Variants in COL6A6 observed in about 807,000 individuals in gnomAD.
COL6A6 encodes the protein collagen type VI alpha 6 chain.
A neutral mutation model predicts 208.6 loss-of-function variants in COL6A6; 183 were observed. The observed-to-expected ratio is 0.88, with a 90% CI of 0.78 to 0.99. COL6A6 has a LOEUF of 0.99. Ranked by LOEUF, COL6A6 falls within the 50% of genes least tolerant of loss-of-function variation. The pLI is 0.00. For synonymous variants in COL6A6, 973 were observed against 1,011.8 expected (o/e 0.96, Z 0.73); for missense variants, 2,816 against 2,815.2 (o/e 1.00, Z -0.01).
rs1448880247 is a variant in COL6A6 at position 130,560,547 on chromosome 3, A to G, written c.64+119A>G. ...CTTTGTTTTGATTTTGATGGTAGTG[A>G]GATTAAGGGCGGTAAGTCAAATTCT... On this transcript the variant is annotated intron_variant, in intron 2 of 36. Transcript: ENST00000358511. The G allele has an allele frequency of 1.1e-5, 9 of 793,228 alleles. No homozygotes were observed. In the East Asian group the frequency reaches 2.4e-4, roughly 21 times the overall value. 49.1% of individuals were successfully genotyped at this position (793,228 alleles called of 1,614,324 possible). A position where few individuals can be genotyped will look rare whatever the true frequency, so the allele number is the denominator to read the frequency against.
chr3:130,585,180 T>G (rs989374170), intron 10 of COL6A6, among the ~76,000 whole-genome samples: 8 of 152,210 alleles, frequency 5.3e-5, no homozygotes, highest in African/African-American at 1.9e-4. Context: ...ATGTTGCCAG[T>G]GGAGTAAGGT....
chr3:130,639,298 T>C (rs2065243469), intron 28 of COL6A6, among the ~76,000 whole-genome samples: 1 of 152,218 alleles, frequency 6.6e-6, no homozygotes, highest in South Asian at 2.1e-4. Context: ...TTGCCCAACA[T>C]AGTCTGTTTC....
intron 10 of COL6A6, among the ~76,000 whole-genome samples, chr3:130,584,828 A>G (rs2063500794): frequency 6.6e-6 from 1 of 151,882 alleles, no homozygotes; most frequent in Non-Finnish European, 1.5e-5. Flanking sequence ...GTTAGCCAGG[A>G]TGGTCTCTAT....
intron 36 of COL6A6, among the ~76,000 whole-genome samples, chr3:130,674,250 C>T (rs563251980): frequency 1.1e-4 from 16 of 152,256 alleles, no homozygotes; most frequent in African/African-American, 3.9e-4. Context: ...AATTTCAGTT[C>T]CTCAGTCACA....
chr3:130,534,596 GTCTTAGTAAACACCTA>G, intron 1 of COL6A6, among the ~76,000 whole-genome samples: 1 of 152,072 alleles, frequency 6.6e-6, no homozygotes, highest in South Asian at 2.1e-4. Flanking sequence ...TCAGAGTTTA[GTCTTAGTAAACACCTA>G]TCTTAGTAAA....
intron 35 of COL6A6, 96 bp downstream of exon 35, chr3:130,662,404 T>C: frequency 8.1e-7 from 1 of 1,232,340 alleles, no homozygotes; most frequent in Non-Finnish European, 1.1e-6. Context: ...TGGAAACCTC[T>C]TGTCTGTCTT....
At chr3:130,610,402 A>G (rs918460304) in intron 22 of COL6A6, among the ~76,000 whole-genome samples, 1 of 152,102 alleles carries the variant, frequency 6.6e-6, no homozygotes, top group Non-Finnish European at 1.5e-5. Context: ...ACCATTCAGT[A>G]TTTTTTTCCA....
chr3:130,577,605 G>C (rs920656145), intron 8 of COL6A6, among the ~76,000 whole-genome samples: 1 of 152,198 alleles, frequency 6.6e-6, no homozygotes, highest in Non-Finnish European at 1.5e-5. Flanking sequence ...ACCAGGAAGT[G>C]GTAGAATAAG....
At chr3:130,602,389 CT>C (rs778187804) in intron 20 of COL6A6, among the ~76,000 whole-genome samples, 13 of 152,244 alleles carry the variant, frequency 8.5e-5, no homozygotes, top group Admixed American at 2.6e-4. Context: ...CATTAATAAT[CT>C]TTATTAATTA....
intron 1 of COL6A6, among the ~76,000 whole-genome samples, chr3:130,535,645 C>T (rs573425559): frequency 2.3e-4 from 35 of 152,080 alleles, no homozygotes; most frequent in Admixed American, 1.9e-3. Flanking sequence ...TGAAAATGCC[C>T]CTAAAGAGTT....
chr3:130,621,949 T>C, intron 24 of COL6A6, 66 bp downstream of exon 24: 1 of 1,343,110 alleles, frequency 7.4e-7, no homozygotes. Flanking sequence ...TGTCTAATTG[T>C]ATTAGCCAGG....
In COL6A6 at chr3:130,663,582, G is replaced by A. The variant is rs189847336; in HGVS notation, c.6502+1274G>A. On this transcript the variant is annotated intron_variant, in intron 35 of 36. Coordinates refer to ENST00000358511, the MANE Select transcript of COL6A6 (RefSeq NM_001102608.3). ...TAAAAAAAGTACATCTCTAAAGACT[G>A]ATAACTTGTAAAGAAACTCTCATCA... Among the ~76,000 whole-genome samples, 405 of 152,278 alleles carry A rather than the reference G, an allele frequency of 2.7e-3. 2 individuals are homozygous for A. Among genetic ancestry groups the A allele is most frequent in the African/African-American group, 9.4e-3 (391 of 41,554 alleles).
chr3:130,547,480 C>T (rs989540792), intron 1 of COL6A6, among the ~76,000 whole-genome samples: 8 of 152,220 alleles, frequency 5.3e-5, no homozygotes, highest in East Asian at 3.9e-4. Context: ...GAGCCGGCTC[C>T]GGCCTTGGCC....
chr3:130,665,134 C>A (rs953207719), intron 36 of COL6A6, 38 bp downstream of exon 36: 2 of 1,361,232 alleles, frequency 1.5e-6, no homozygotes, highest in Admixed American at 2.1e-5. Flanking sequence ...AATGAGAATG[C>A]CCCCTGCCTT....
chr3:130,581,948 A>G, intron 9 of COL6A6, 42 bp from the exon 10 acceptor site: 2 of 1,589,952 alleles, frequency 1.3e-6, no homozygotes, highest in Non-Finnish European at 1.7e-6. Context: ...ATTGCAATGA[A>G]CCCTTTTTAA....
chr3:130,597,027 G>T (rs1240164748), intron 18 of COL6A6, among the ~76,000 whole-genome samples: 1 of 152,110 alleles, frequency 6.6e-6, no homozygotes. Flanking sequence ...TGCAATTTGG[G>T]TTGTTCTGTT....
At chr3:130,667,128 C>G (rs1348105709) in intron 36 of COL6A6, among the ~76,000 whole-genome samples, 1 of 152,104 alleles carries the variant, frequency 6.6e-6, no homozygotes, top group Non-Finnish European at 1.5e-5. Context: ...AAAGAAACTT[C>G]TACAGTATGT....
intron 1 of COL6A6, among the ~76,000 whole-genome samples, chr3:130,536,876 A>G (rs567601378): frequency 6.6e-6 from 1 of 152,374 alleles, no homozygotes; most frequent in African/African-American, 2.4e-5. Context: ...AAGGAGTCCA[A>G]TTAGAAAGCT....
intron 1 of COL6A6, among the ~76,000 whole-genome samples, chr3:130,555,760 T>G (rs2062754773): frequency 1.3e-5 from 2 of 152,208 alleles, no homozygotes; most frequent in Non-Finnish European, 2.9e-5. Context: ...TGGTTTTTTT[T>G]GTGGGGTTTT....
Sources: gnomAD v4.1 joint callset for allele counts (sites outside exome capture counted in the v4.1 genomes callset) on GRCh38, gnomAD v4.1.1 for gene constraint, MANE v1.5 for transcripts, NCBI Gene and HGNC (gene_info 2026-07-23, HGNC 2026-07-21) for gene names.